TRPC4: variants seen among roughly 807,000 people sequenced by gnomAD.
TRPC4 encodes short transient receptor potential channel 4.
In TRPC4, 49 loss-of-function variants were observed where a neutral mutation model predicts 99.4. The observed-to-expected ratio is 0.49, with a 90% CI of 0.39 to 0.63. The LOEUF is 0.63. Ranked by LOEUF, TRPC4 falls within the 20% of genes least tolerant of loss-of-function variation. The pLI, the probability that TRPC4 is intolerant of heterozygous loss-of-function variation, is 0.00. For missense variants in TRPC4, 898 were observed against 1,152.9 expected, an observed-to-expected ratio of 0.78 and a Z score of 3.20; for synonymous variants, 454 against 425.9, an observed-to-expected ratio of 1.07 and a Z score of -0.81.
chr13:37,817,061 A>G (rs1192213781), intron 1 of TRPC4, among the ~76,000 whole-genome samples: 1 of 152,066 alleles, frequency 6.6e-6, no homozygotes, highest in Non-Finnish European at 1.5e-5. Flanking sequence ...GCATCCAAAT[A>G]GGAAGAGAGG....
At chr13:37,675,589 C>T (rs56312513) in intron 4 of TRPC4, among the ~76,000 whole-genome samples, 6 of 151,958 alleles carry the variant, frequency 3.9e-5, no homozygotes, top group Non-Finnish European at 8.8e-5. Flanking sequence ...AGTGTCCTCT[C>T]CAGGCTCCTC....
chr13:37,664,590 G>A (rs747849266), intron 5 of TRPC4, among the ~76,000 whole-genome samples: 1 of 151,696 alleles, frequency 6.6e-6, no homozygotes, highest in African/African-American at 2.4e-5. Context: ...AAAAAAAAAG[G>A]GTCAAATATG....
At chr13:37,797,519 A>G (rs1357275674) in intron 1 of TRPC4, among the ~76,000 whole-genome samples, 1 of 152,166 alleles carries the variant, frequency 6.6e-6, no homozygotes, top group South Asian at 2.1e-4. Context: ...ACAGTAGCGA[A>G]AAAAGTAGAA....
intron 3 of TRPC4, among the ~76,000 whole-genome samples, chr13:37,738,236 C>A (rs937547040): frequency 6.6e-6 from 1 of 152,092 alleles, no homozygotes; most frequent in African/African-American, 2.4e-5. Context: ...AAGGAAATGG[C>A]AGGGTGGATA....
chr13:37,690,070 T>C (rs1953631109), intron 4 of TRPC4, among the ~76,000 whole-genome samples: 3 of 152,174 alleles, frequency 2.0e-5, no homozygotes, highest in Non-Finnish European at 2.9e-5. Flanking sequence ...ACTAGAATTT[T>C]TAGACATTCA....
intron 1 of TRPC4, among the ~76,000 whole-genome samples, chr13:37,802,151 C>G (rs1334922523): frequency 6.6e-6 from 1 of 152,048 alleles, no homozygotes; most frequent in African/African-American, 2.4e-5. Context: ...AGAACTGTTG[C>G]AAAAACCATA....
chr13:37,638,972 TA>T, intron 10 of TRPC4, 67 bp downstream of exon 10: 1 of 1,525,926 alleles, frequency 6.6e-7, no homozygotes, highest in Non-Finnish European at 9.1e-7. Flanking sequence ...GCTCTGATTT[TA>T]AATGTGCTCT....
At chr13:37,793,813 G>A (rs1957180349) in intron 1 of TRPC4, among the ~76,000 whole-genome samples, 1 of 152,050 alleles carries the variant, frequency 6.6e-6, no homozygotes, top group Admixed American at 6.6e-5. Context: ...GGAAATATGC[G>A]TATCACTCTT....
At chr13:37,725,652 C>T (rs1955027773) in intron 3 of TRPC4, among the ~76,000 whole-genome samples, 1 of 152,080 alleles carries the variant, frequency 6.6e-6, no homozygotes, top group African/African-American at 2.4e-5. Flanking sequence ...AAAAACTCAA[C>T]CAACAATCAT....
Position 37,655,383 on chromosome 13 carries a change from AT to A in TRPC4, c.1689-101del, listed in dbSNP as rs1252360082. 74 of 413,400 alleles carry A rather than the reference AT, an allele frequency of 1.8e-4. 1 individual carries two copies. Among genetic ancestry groups the A allele is most frequent in the Non-Finnish European group, 2.2e-4 (60 of 270,466 alleles). The allele number at this position is 413,400 out of a possible 1,614,324, so 25.6% of individuals were successfully genotyped here. On this transcript the variant is annotated intron_variant, in intron 6 of 10. Coordinates refer to ENST00000379705, the MANE Select transcript of TRPC4 (RefSeq NM_016179.4). The stretch of plus-strand genomic sequence containing the variant: ...GGCATGATTATATATATATATATAT[AT>A]AATTAACTTAAACATTAATATCAAC...
At chr13:37,687,577 A>G (rs1953527981) in intron 4 of TRPC4, among the ~76,000 whole-genome samples, 1 of 152,228 alleles carries the variant, frequency 6.6e-6, no homozygotes, top group Admixed American at 6.5e-5. Context: ...GAATTCTCAT[A>G]ATGCACATTA....
In TRPC4 at chr13:37,745,519, C is replaced by CGTATATATATAT. The variant is rs1566138668; in HGVS notation, c.897+417_897+418insATATATATATAC. ...ATATACGTATATATGTATATATATA[C>CGTATATATATAT]GTATATATGTATATATACGTATATA... On this transcript the variant is annotated intron_variant, in intron 3 of 10. Coordinates refer to ENST00000379705, the MANE Select transcript of TRPC4 (RefSeq NM_016179.4). 9.8e-4 allele frequency among the ~76,000 whole-genome samples: 103 copies of CGTATATATATAT among 104,762 alleles called. 1 individual carries two copies. Among genetic ancestry groups the CGTATATATATAT allele is most frequent in the African/African-American group, 4.2e-3 (89 of 21,170 alleles). The allele number at this position is 104,762 out of a possible 152,430, so 68.7% of individuals were successfully genotyped here. A position where few individuals can be genotyped will look rare whatever the true frequency, so the allele number is the denominator to read the frequency against.
At position 37,812,180 on chromosome 13, in the gene TRPC4, A is replaced by AAAAAAAAAAAACAAAC. The variant is rs1451422084; in HGVS notation, c.-27-28821_-27-28820insGTTTGTTTTTTTTTTT. 3.4e-3 allele frequency among the ~76,000 whole-genome samples: 494 copies of AAAAAAAAAAAACAAAC among 145,708 alleles called. 30 individuals are homozygous for AAAAAAAAAAAACAAAC. The highest frequency in any genetic ancestry group is 0.012 in the African/African-American group (474 of 38,442). The stretch of plus-strand genomic sequence containing the variant: ...GGCAACAGACTGAGACTCTATCAAA[A>AAAAAAAAAAAACAAAC]AAAAAAAAAAAAAAACCAGGAGATC... On this transcript the variant is annotated intron_variant, in intron 1 of 10. Transcript: ENST00000379705.
In TRPC4 at chr13:37,632,645, T is replaced by C. The variant is rs1467860549; in HGVS notation, c.*4258A>G. Among the ~76,000 whole-genome samples the C allele has an allele frequency of 6.6e-6, 1 of 152,212 alleles. No homozygotes were observed. The highest frequency in any genetic ancestry group is 1.5e-5 in the Non-Finnish European group (1 of 68,038). On this transcript the variant is annotated 3_prime_UTR_variant, in exon 11 of 11. Coordinates refer to ENST00000379705, the MANE Select transcript of TRPC4 (RefSeq NM_016179.4). ...CATTGTCCCAATCTTAGTTCAACTGTACATTGTCCATCTCTAATGTTTTTC... is the reference window on the plus strand; with the variant it reads ...CATTGTCCCAATCTTAGTTCAACTGCACATTGTCCATCTCTAATGTTTTTC...
At chr13:37,860,134 T>A (rs1223521230) in intron 1 of TRPC4, among the ~76,000 whole-genome samples, 2 of 151,402 alleles carry the variant, frequency 1.3e-5, no homozygotes, top group African/African-American at 4.8e-5. Context: ...GAAAATGAAC[T>A]GAAAGTACTT....
At chr13:37,748,039 C>T (rs1006888958) in intron 2 of TRPC4, among the ~76,000 whole-genome samples, 15 of 152,124 alleles carry the variant, frequency 9.9e-5, no homozygotes, top group African/African-American at 2.9e-4. Context: ...TGAGAATTTA[C>T]GTCCCAGGTG....
intron 3 of TRPC4, among the ~76,000 whole-genome samples, chr13:37,707,010 T>C (rs1402339763): frequency 6.6e-6 from 1 of 152,138 alleles, no homozygotes; most frequent in Non-Finnish European, 1.5e-5. Context: ...TATGCATGTC[T>C]AATGAAAAAA....
At position 37,639,043 on chromosome 13, in the gene TRPC4, A is replaced by G. The variant is rs889013339; in HGVS notation, c.2208T>C (p.Phe736=). The change falls in exon 10 of 11, where the codon TTT becomes TTC. Residue 736 remains phenylalanine (F), a synonymous_variant. Transcript: ENST00000379705. ...KTEEGLTEEN[F]KELKQDISSF... The stretch of plus-strand genomic sequence containing the variant: ...TGATGAAGATGAAAATGGTTACCTT[A>G]AAGTTCTCTTCGGTCAGGCCTTCTT... The G allele has an allele frequency of 1.8e-5, 29 of 1,613,342 alleles. No homozygotes were observed. The highest frequency in any genetic ancestry group is 2.2e-5 in the East Asian group (1 of 44,870).
At chr13:37,731,310 ACAGT>A in intron 3 of TRPC4, among the ~76,000 whole-genome samples, 1 of 152,110 alleles carries the variant, frequency 6.6e-6, no homozygotes, top group African/African-American at 2.4e-5. Flanking sequence ...CTCAATTCAC[ACAGT>A]CAGCACACAG....
Sources: allele counts gnomAD v4.1 joint callset (sites outside exome capture counted in the v4.1 genomes callset), GRCh38; gene constraint gnomAD v4.1.1; transcripts MANE v1.5; gene names NCBI Gene and HGNC (gene_info 2026-07-23, HGNC 2026-07-21).